The following ATP9B variants were observed in gnomAD, a reference collection of about 807,000 sequenced individuals.
ATP9B encodes probable phospholipid-transporting ATPase IIB.
In ATP9B, 110 loss-of-function variants were observed where a neutral mutation model predicts 146.1. The observed-to-expected ratio is 0.75, with a 90% CI of 0.65 to 0.88. The LOEUF is 0.88. Among genes scored for constraint, ATP9B ranks in the 40% least tolerant of loss-of-function variants. The pLI is 0.00. For missense variants in ATP9B, 1,499 were observed against 1,496.4 expected (o/e 1.00, Z -0.03); for synonymous variants, 604 against 569.7 (o/e 1.06, Z -0.86).
chr18:79,204,511 TAA>T (rs1224229015), intron 9 of ATP9B, among the ~76,000 whole-genome samples: 1 of 152,250 alleles, frequency 6.6e-6, no homozygotes, highest in African/African-American at 2.4e-5. Context: ...GTTTTCCACT[TAA>T]AAATATATAT....
At position 79,303,633 on chromosome 18, in the gene ATP9B, A is replaced by C. The variant is rs2096605372; in HGVS notation, c.1441A>C (p.Lys481Gln). ...GTLTQNEMIF[K>Q]RLHLGTVSYG... ...CCTCACCCAGAATGAAATGATATTT[A>C]AGCGGCTGCACCTGGGCACCGTGTC... The change falls in exon 14 of 30, where the codon AAG becomes CAG. Residue 481 changes from lysine (K) to glutamine (Q), a missense_variant. Physicochemically the swap from Lys to Gln is moderately conservative, Grantham distance 53. Transcript: ENST00000426216. 1 of 1,613,856 alleles carries C rather than the reference A, an allele frequency of 6.2e-7. No individual in the cohort carries two copies. The highest frequency in any genetic ancestry group is 1.3e-5 in the African/African-American group (1 of 74,894).
intron 7 of ATP9B, among the ~76,000 whole-genome samples, chr18:79,159,283 T>C (rs1418925547): frequency 6.6e-6 from 1 of 152,198 alleles, no homozygotes; most frequent in African/African-American, 2.4e-5. Flanking sequence ...TTAGCAGGTA[T>C]GTACACTTGC....
chr18:79,292,459 C>CA (rs1278647008), intron 13 of ATP9B, among the ~76,000 whole-genome samples: 2 of 152,046 alleles, frequency 1.3e-5, no homozygotes, highest in African/African-American at 4.8e-5. Context: ...TACAGTGCAT[C>CA]AAAAAATATT....
chr18:79,232,804 C>T (rs1000412174), intron 11 of ATP9B, among the ~76,000 whole-genome samples: 2 of 152,040 alleles, frequency 1.3e-5, no homozygotes, highest in East Asian at 1.9e-4. Context: ...AAAGGCAATG[C>T]GAGAAACCAA....
intron 3 of ATP9B, among the ~76,000 whole-genome samples, chr18:79,111,621 T>C (rs1011412743): frequency 2.0e-5 from 3 of 152,194 alleles, no homozygotes; most frequent in Non-Finnish European, 2.9e-5. Context: ...ATCTCAGAGA[T>C]TGGCTAAGCA....
intron 1 of ATP9B, among the ~76,000 whole-genome samples, chr18:79,095,355 C>G (rs2074700526): frequency 6.6e-6 from 1 of 152,116 alleles, no homozygotes; most frequent in African/African-American, 2.4e-5. Flanking sequence ...CCCTTAGACT[C>G]TTTCTGGGTA....
rs58114648 is a variant in ATP9B, at chr18:79,287,231, G to C, written c.1411+10035G>C. 4.4e-3 allele frequency among the ~76,000 whole-genome samples: 665 copies of C among 152,306 alleles called. 8 individuals are homozygous for C. The highest frequency in any genetic ancestry group is 0.015 in the African/African-American group (627 of 41,562). On this transcript the variant is annotated intron_variant, in intron 13 of 29. Transcript: ENST00000426216. ...CTTGTACCTCTGGTAGAATTTGGCT[G>C]TGAATCCATCTGGTCTTGGACTCTT...
At chr18:79,213,872 A>C in intron 10 of ATP9B, 90 bp from the exon 11 acceptor site, 1 of 955,064 alleles carries the variant, frequency 1.0e-6, no homozygotes, top group Non-Finnish European at 1.5e-6. Flanking sequence ...TAGTGTGATA[A>C]TACTTTCCAT....
intron 15 of ATP9B, among the ~76,000 whole-genome samples, chr18:79,311,117 A>C (rs1401545661): frequency 6.7e-6 from 1 of 150,282 alleles, no homozygotes; most frequent in Non-Finnish European, 1.5e-5. Context: ...ACGCCACTGC[A>C]CTCCAGCCTG....
intron 4 of ATP9B, 105 bp downstream of exon 4, chr18:79,113,459 G>C: frequency 1.4e-6 from 1 of 707,410 alleles, no homozygotes; most frequent in South Asian, 2.0e-5. Flanking sequence ...TTAAAACATG[G>C]TGTTGTAGTG....
intron 13 of ATP9B, among the ~76,000 whole-genome samples, chr18:79,300,191 T>A (rs2096581184): frequency 6.6e-6 from 1 of 152,168 alleles, no homozygotes; most frequent in South Asian, 2.1e-4. Flanking sequence ...GCACTCCATG[T>A]CTGAAGTGGG....
chr18:79,105,196 G>A (rs1430202788), intron 2 of ATP9B, among the ~76,000 whole-genome samples: 1 of 152,138 alleles, frequency 6.6e-6, no homozygotes, highest in Non-Finnish European at 1.5e-5. Flanking sequence ...AAGTAGATTG[G>A]TCTTCTTTGT....
chr18:79,072,485 C>A (rs34022120), intron 1 of ATP9B, among the ~76,000 whole-genome samples: 2 of 152,124 alleles, frequency 1.3e-5, no homozygotes, highest in African/African-American at 2.4e-5. Flanking sequence ...TATAGATTAA[C>A]GGCATCCCAA....
At position 79,072,932 on chromosome 18, in the gene ATP9B, C is replaced by T. The variant is rs1012523920; in HGVS notation, c.119+3403C>T. 5.4e-5 allele frequency among the ~76,000 whole-genome samples: 8 copies of T among 148,138 alleles called. No homozygotes were observed. In the South Asian group the frequency reaches 1.3e-3, roughly 24 times the overall value. On this transcript the variant is annotated intron_variant, in intron 1 of 29. Transcript: ENST00000426216. Reference sequence around the variant, plus strand: ...CCCAGACAGGGCGGCCGGGCAGAGGCGCTCGTCACATCCCAGACGATGGGC... The same window carrying T: ...CCCAGACAGGGCGGCCGGGCAGAGGTGCTCGTCACATCCCAGACGATGGGC...
At chr18:79,344,042 A>C in intron 20 of ATP9B, 2 of 574,998 alleles carry the variant, frequency 3.5e-6, no homozygotes, top group Non-Finnish European at 3.1e-6. Flanking sequence ...TGCAGTTGCC[A>C]CAAATTTGAA....
At chr18:79,366,873 T>C (rs553559730) in intron 26 of ATP9B, among the ~76,000 whole-genome samples, 62 of 152,318 alleles carry the variant, frequency 4.1e-4, no homozygotes, top group African/African-American at 1.5e-3. Context: ...TGAACAAGAA[T>C]CAGTGAGGCT....
intron 8 of ATP9B, among the ~76,000 whole-genome samples, chr18:79,184,341 G>A (rs1034075859): frequency 6.6e-6 from 1 of 152,076 alleles, no homozygotes; most frequent in African/African-American, 2.4e-5. Context: ...GAGAGTTAAG[G>A]TTAAGTAGGT....
intron 13 of ATP9B, among the ~76,000 whole-genome samples, chr18:79,285,955 C>A (rs202229850): frequency 0.89 from 129,480 of 145,274 alleles, 57,834 homozygotes; most frequent in East Asian, 1. Flanking sequence ...TCTGAGGGCT[C>A]TGTTATGTTC....
At chr18:79,081,502 T>C (rs1053668466) in intron 1 of ATP9B, among the ~76,000 whole-genome samples, 1 of 151,690 alleles carries the variant, frequency 6.6e-6, no homozygotes, top group African/African-American at 2.4e-5. Flanking sequence ...TCTTCTCTCT[T>C]TACTTCTTTA....
Sources: allele counts gnomAD v4.1 joint callset (sites outside exome capture counted in the v4.1 genomes callset), GRCh38; gene constraint gnomAD v4.1.1; transcripts MANE v1.5; gene names NCBI Gene and HGNC (gene_info 2026-07-23, HGNC 2026-07-21).